The following INSIG1 variants were observed in gnomAD, a reference collection of about 807,000 sequenced individuals.
INSIG1 encodes insulin-induced gene 1 protein.
INSIG1 carries 14 observed loss-of-function variants against 26.5 expected under a neutral mutation model. The ratio of observed to expected loss-of-function variants is 0.53; its 90% CI spans 0.35 to 0.83. INSIG1 has a LOEUF of 0.83. Among genes scored for constraint, INSIG1 ranks in the 40% least tolerant of loss-of-function variants. The pLI, the probability that INSIG1 is intolerant of heterozygous loss-of-function variation, is 0.01. For synonymous variants in INSIG1, 147 were observed against 153.3 expected (o/e 0.96, Z 0.30); for missense variants, 272 against 368.9 (o/e 0.74, Z 2.15).
At chr7:155,298,796 AT>A in intron 2 of INSIG1, 99 bp downstream of exon 2, 1 of 1,141,414 alleles carries the variant, frequency 8.8e-7, no homozygotes, top group Non-Finnish European at 1.2e-6. Context: ...AACTGGAACT[AT>A]CCACAGATTG....
chr7:155,305,741 CCTT>C (rs1361792663), intron 5 of INSIG1, among the ~76,000 whole-genome samples: 3 of 152,178 alleles, frequency 2.0e-5, no homozygotes, highest in African/African-American at 4.8e-5. Flanking sequence ...CACACCCTCT[CCTT>C]CTTAGCTGTC....
At chr7:155,304,670 A>G (rs1354436585) in intron 5 of INSIG1, among the ~76,000 whole-genome samples, 1 of 152,230 alleles carries the variant, frequency 6.6e-6, no homozygotes, top group Non-Finnish European at 1.5e-5. Flanking sequence ...CGTTTTGAAG[A>G]TAGTTTCATT....
At chr7:155,306,188 C>T (rs574287896) in intron 5 of INSIG1, among the ~76,000 whole-genome samples, 18 of 152,174 alleles carry the variant, frequency 1.2e-4, no homozygotes, top group Non-Finnish European at 2.1e-4. Context: ...TTAGTAGAGA[C>T]GGGGTTTCGC....
intron 5 of INSIG1, among the ~76,000 whole-genome samples, chr7:155,303,487 G>A (rs1241305546): frequency 6.6e-6 from 1 of 152,242 alleles, no homozygotes; most frequent in Non-Finnish European, 1.5e-5. Flanking sequence ...TAGACGGACT[G>A]TCCTGCCTGA....
chr7:155,298,437 A>G lies in INSIG1; in HGVS notation c.152A>G (p.His51Arg), dbSNP rs1797687964. Residue 51 changes from histidine (H) to arginine (R), a missense_variant, in exon 2 of 6, where the codon CAC becomes CGC. Physicochemically the swap from His to Arg is conservative, Grantham distance 29. Coordinates refer to ENST00000340368, the MANE Select transcript of INSIG1 (RefSeq NM_005542.6). ...SVSGPSLLAA[H>R]GAPDADPAPR... ...TCCGGGCCCTCCCTGCTGGCGGCCC[A>G]CGGTGCCCCGGACGCTGACCCCGCG... 3 of 1,555,034 alleles carry G rather than the reference A, an allele frequency of 1.9e-6. No individual in the cohort carries two copies. Among genetic ancestry groups the G allele is most frequent in the African/African-American group, 1.4e-5 (1 of 73,442 alleles).
intron 2 of INSIG1, among the ~76,000 whole-genome samples, chr7:155,299,390 G>A (rs975406212): frequency 1.1e-4 from 17 of 152,170 alleles, no homozygotes; most frequent in African/African-American, 4.1e-4. Context: ...GGGACTGCTG[G>A]GTGTGTGTAC....
rs1428439611 is a variant in INSIG1, at chr7:155,308,310, G to T, written c.*40G>T. 1.2e-6 allele frequency: 2 copies of T among 1,611,422 alleles called. No homozygotes were observed. The highest frequency in any genetic ancestry group is 1.7e-6 in the Non-Finnish European group (2 of 1,177,866). The stretch of plus-strand genomic sequence containing the variant: ...CGATTCTGAGAGCAAGGAAGATTTT[G>T]GAAGAAAATCTGACTGTGGATTATG... On this transcript the variant is annotated 3_prime_UTR_variant, in exon 6 of 6. Transcript: ENST00000340368.
chr7:155,300,985 C>CCT (rs773292552), intron 2 of INSIG1, among the ~76,000 whole-genome samples: 3 of 152,188 alleles, frequency 2.0e-5, no homozygotes, highest in Non-Finnish European at 4.4e-5. Flanking sequence ...GTGCTCAGTG[C>CCT]CTCGTACAGA....
chr7:155,305,076 G>T (rs1797901039), intron 5 of INSIG1, among the ~76,000 whole-genome samples: 1 of 150,996 alleles, frequency 6.6e-6, no homozygotes, highest in Admixed American at 6.6e-5. Context: ...AACCCGGGAG[G>T]CAGAGCTTGC....
chr7:155,302,716 T>G lies in INSIG1; in HGVS notation c.705-31T>G, dbSNP rs376491438. 3 of 1,440,452 alleles carry G rather than the reference T, an allele frequency of 2.1e-6. No individual in the cohort carries two copies. The East Asian group carries it at 6.8e-5, about 33-fold the overall frequency. 89.2% of individuals were successfully genotyped at this position (1,440,452 alleles called of 1,614,324 possible). ...TAGAATTGAGCCAGGTGAAATTGAC[T>G]GCTAAGGTACAGTTTCTTTTCTCGC... is the stretch of plus-strand genomic sequence containing the variant. On this transcript the variant is annotated intron_variant, in intron 4 of 5. Transcript: ENST00000340368. This position sits in a 1 kb window ranked among gnomAD's most constrained non-coding sequence, Gnocchi z 4.3.
At position 155,308,497 on chromosome 7, in the gene INSIG1, C is replaced by G; in HGVS notation, c.*227C>G. On this transcript the variant is annotated 3_prime_UTR_variant, in exon 6 of 6. Transcript: ENST00000340368. ...GCCCGCACTGGCGCCTGTCTGTGCC[C>G]TGGAGCATTCTGCCCAGGCTACGTG... 3 of 593,024 alleles carry G rather than the reference C, an allele frequency of 5.1e-6. No individual in the cohort carries two copies. The highest frequency in any genetic ancestry group is 2.1e-5 in the South Asian group (1 of 47,808). 36.7% of individuals were successfully genotyped at this position (593,024 alleles called of 1,614,324 possible).
chr7:155,305,539 T>C (rs1411752262), intron 5 of INSIG1, among the ~76,000 whole-genome samples: 3 of 152,134 alleles, frequency 2.0e-5, no homozygotes, highest in Non-Finnish European at 4.4e-5. Flanking sequence ...GGATAGTGTC[T>C]AAGAGCTATT....
In INSIG1 at chr7:155,302,409, T is replaced by A. The variant is rs1276287685; in HGVS notation, c.696T>A (p.Gly232=). The A allele has an allele frequency of 3.3e-5, 52 of 1,594,360 alleles. No individual in the cohort carries two copies. Among genetic ancestry groups the A allele is most frequent in the Non-Finnish European group, 4.3e-5 (51 of 1,173,258 alleles). ...TLITQFLVYN[G]VYQYTSPDFL... Reference sequence around the variant, plus strand: ...TCACGCAGTTTCTCGTGTATAATGGTGTCTATCAGTAAGTGTGTGTTTTCA... The same window carrying A: ...TCACGCAGTTTCTCGTGTATAATGGAGTCTATCAGTAAGTGTGTGTTTTCA... The change falls in exon 4 of 6, where the codon GGT becomes GGA. Residue 232 remains glycine, a synonymous_variant. Transcript: ENST00000340368. The surrounding 1 kb of genome is among the most constrained non-coding windows in gnomAD (Gnocchi z 4.3).
At chr7:155,303,691 C>A in intron 5 of INSIG1, 1 of 301,514 alleles carries the variant, frequency 3.3e-6, no homozygotes, top group Non-Finnish European at 6.4e-6. Flanking sequence ...TTTGAGTTGA[C>A]TTTGGCAGGC....
intron 5 of INSIG1, chr7:155,303,734 A>T: frequency 1.8e-6 from 1 of 562,640 alleles, no homozygotes; most frequent in Non-Finnish European, 2.9e-6. Context: ...AACAACAAAA[A>T]CCTAGAGCTG....
rs1798039066 is a variant in INSIG1 at position 155,309,889 on chromosome 7, C to T, written c.*1619C>T. Reference sequence around the variant, plus strand: ...AAAAAATTTCCAATGAAGATGTCAGCATTTTATGAAAAACCAGAAGTTATT... The same window carrying T: ...AAAAAATTTCCAATGAAGATGTCAGTATTTTATGAAAAACCAGAAGTTATT... On this transcript the variant is annotated 3_prime_UTR_variant, in exon 6 of 6. Transcript: ENST00000340368. 6.6e-6 allele frequency: 1 copy of T among 152,566 alleles called. No individual in the cohort carries two copies. The highest frequency in any genetic ancestry group is 2.4e-5 in the African/African-American group (1 of 41,420). 9.5% of individuals were successfully genotyped at this position (152,566 alleles called of 1,614,324 possible). A position where few individuals can be genotyped will look rare whatever the true frequency, so the allele number is the denominator to read the frequency against.
At chr7:155,306,149 A>G (rs1797930126) in intron 5 of INSIG1, among the ~76,000 whole-genome samples, 1 of 151,954 alleles carries the variant, frequency 6.6e-6, no homozygotes, top group Non-Finnish European at 1.5e-5. Flanking sequence ...ACAGGCGCCC[A>G]CCACCGCACC....
intron 5 of INSIG1, among the ~76,000 whole-genome samples, chr7:155,305,933 C>A (rs564352223): frequency 6.6e-6 from 1 of 152,144 alleles, no homozygotes; most frequent in African/African-American, 2.4e-5. Flanking sequence ...CCTTTGTGTC[C>A]GAAAATACAG....
At chr7:155,303,976 CTTT>C (rs11385167) in intron 5 of INSIG1, 91,909 of 260,262 alleles carry the variant, frequency 0.35, 10,286 homozygotes, top group African/African-American at 0.46. Flanking sequence ...CTTTGCTTGC[CTTT>C]TTTTTTTTTT....
Sources: allele counts gnomAD v4.1 joint callset (sites outside exome capture counted in the v4.1 genomes callset), GRCh38; gene constraint gnomAD v4.1.1; non-coding constraint Gnocchi (gnomAD v3.1); transcripts MANE v1.5; gene names NCBI Gene and HGNC (gene_info 2026-07-23, HGNC 2026-07-21).